SMC5: variants seen among roughly 807,000 people sequenced by gnomAD.
The protein encoded by SMC5 is structural maintenance of chromosomes 5.
A neutral mutation model predicts 148.3 loss-of-function variants in SMC5; 88 were observed. The observed-to-expected ratio is 0.59, with a 90% CI of 0.50 to 0.71. The LOEUF is 0.71. Among genes scored for constraint, SMC5 ranks in the 30% least tolerant of loss-of-function variants. The pLI, the probability that SMC5 is intolerant of heterozygous loss-of-function variation, is 0.00. For missense variants in SMC5, 1,142 were observed against 1,298.9 expected, an observed-to-expected ratio of 0.88 and a Z score of 1.86; for synonymous variants, 421 against 432.8, an observed-to-expected ratio of 0.97 and a Z score of 0.34.
chr9:70,325,578 AT>A (rs1347288201), intron 17 of SMC5, among the ~76,000 whole-genome samples: 4 of 152,172 alleles, frequency 2.6e-5, no homozygotes, highest in Non-Finnish European at 4.4e-5. Flanking sequence ...AAACTAACTG[AT>A]ACTCCTTTGC....
intron 12 of SMC5, 116 bp downstream of exon 12, chr9:70,314,952 A>G: frequency 4.8e-6 from 3 of 622,282 alleles, no homozygotes; most frequent in Non-Finnish European, 5.2e-6. Flanking sequence ...TAAGTCGAAT[A>G]TAAGGAAAAA....
chr9:70,329,649 GTCT>G (rs375354529), intron 17 of SMC5, among the ~76,000 whole-genome samples: 39 of 152,184 alleles, frequency 2.6e-4, no homozygotes, highest in African/African-American at 9.2e-4. Flanking sequence ...TCATCTTCCT[GTCT>G]TCTTCTGAGC....
intron 1 of SMC5, 74 bp downstream of exon 1, chr9:70,259,337 C>T (rs2034025701): frequency 6.9e-7 from 1 of 1,442,952 alleles, no homozygotes; most frequent in Non-Finnish European, 9.3e-7. Context: ...CGGCAGCGCG[C>T]GGGCGTGGGC....
intron 13 of SMC5, among the ~76,000 whole-genome samples, chr9:70,316,948 A>G (rs188900920): frequency 3.7e-4 from 57 of 152,040 alleles, no homozygotes; most frequent in Admixed American, 1.4e-3. Flanking sequence ...TTTATATACT[A>G]TATTTTTTAA....
At chr9:70,303,532 C>T (rs779944718) in intron 10 of SMC5, among the ~76,000 whole-genome samples, 1 of 152,122 alleles carries the variant, frequency 6.6e-6, no homozygotes, top group Non-Finnish European at 1.5e-5. Context: ...TTGTGTGTAA[C>T]TGTTTTCTCA....
intron 3 of SMC5, 21 bp downstream of exon 3, chr9:70,267,996 A>C: frequency 6.3e-7 from 1 of 1,591,984 alleles, no homozygotes; most frequent in African/African-American, 1.4e-5. Flanking sequence ...AAAGTGCTAA[A>C]ACTCCTTTTT....
At chr9:70,280,125 G>A (rs371415767) in intron 5 of SMC5, among the ~76,000 whole-genome samples, 13 of 152,198 alleles carry the variant, frequency 8.5e-5, no homozygotes, top group East Asian at 7.7e-4. Flanking sequence ...AGTTATTTTA[G>A]CTTCAGATAT....
In SMC5 at chr9:70,264,555, A is replaced by C. The variant is rs1416753969; in HGVS notation, c.327+110A>C. 10 of 1,005,672 alleles carry C rather than the reference A, an allele frequency of 9.9e-6. No individual in the cohort carries two copies. The East Asian group carries it at 2.7e-4, about 27-fold the overall frequency. The allele number at this position is 1,005,672 out of a possible 1,614,324, so 62.3% of individuals were successfully genotyped here. A position where few individuals can be genotyped will look rare whatever the true frequency, so the allele number is the denominator to read the frequency against. ...GGTATAGCAAACTTAATAGTGCATG[A>C]ATACAAGGAATAAATTTGGCAGGTA... On this transcript the variant is annotated intron_variant, in intron 2 of 24. Coordinates refer to ENST00000361138, the MANE Select transcript of SMC5 (RefSeq NM_015110.4).
chr9:70,291,107 T>C (rs2035047105), intron 8 of SMC5, among the ~76,000 whole-genome samples: 1 of 147,158 alleles, frequency 6.8e-6, no homozygotes, highest in Non-Finnish European at 1.5e-5. Flanking sequence ...ATTGTTGGTG[T>C]TTGTTTGTTT....
intron 5 of SMC5, among the ~76,000 whole-genome samples, chr9:70,280,141 TCTTTTAC>T (rs1419827515): frequency 6.6e-6 from 1 of 152,230 alleles, no homozygotes; most frequent in Non-Finnish European, 1.5e-5. Flanking sequence ...GATATTCTGT[TCTTTTAC>T]CTTTCTGTAT....
At chr9:70,323,688 G>A (rs1469305821) in intron 16 of SMC5, 82 bp downstream of exon 16, 7 of 1,296,940 alleles carry the variant, frequency 5.4e-6, no homozygotes, top group East Asian at 2.5e-5. Context: ...AGGGAGGGAA[G>A]GTTTTGATTA....
intron 18 of SMC5, 135 bp from the exon 19 acceptor site, chr9:70,346,470 T>TGTG: frequency 1.2e-6 from 1 of 864,376 alleles, no homozygotes. Context: ...AAGATAGTAC[T>TGTG]GTGGTGAAAT....
At chr9:70,346,956 A>G in intron 19 of SMC5, 110 bp from the exon 20 acceptor site, 1 of 800,640 alleles carries the variant, frequency 1.2e-6, no homozygotes, top group South Asian at 1.8e-5. Flanking sequence ...CTTGTGTGCC[A>G]GCATGCTGTT....
rs141399618 is a variant in SMC5, at chr9:70,340,727, T to C, written c.2398-3417T>C. 4.6e-3 allele frequency among the ~76,000 whole-genome samples: 695 copies of C among 152,276 alleles called. 8 individuals carry two copies. The highest frequency in any genetic ancestry group is 0.016 in the African/African-American group (668 of 41,586). ...TGTTACTAAAATAACAGTTTTAATA[T>C]ATACAGTTTTCATAAGAAATTCTGT... On this transcript the variant is annotated intron_variant, in intron 17 of 24. Transcript: ENST00000361138.
Position 70,278,643 on chromosome 9 carries a change from C to A in SMC5, c.678+18C>A, listed in dbSNP as rs756265863. The A allele has an allele frequency of 6.3e-6, 10 of 1,590,314 alleles. No homozygotes were observed. In the Admixed American group the frequency reaches 1.1e-4, roughly 18 times the overall value. The stretch of plus-strand genomic sequence containing the variant: ...AGCTCGAGGTACTTTAAATAGACAA[C>A]TCATTTGTATTGTTTCTTATTGATT... On this transcript the variant is annotated intron_variant, in intron 5 of 24. Transcript: ENST00000361138.
intron 19 of SMC5, 101 bp from the exon 20 acceptor site, chr9:70,346,965 T>C: frequency 1.2e-6 from 1 of 851,470 alleles, no homozygotes; most frequent in Non-Finnish European, 1.9e-6. Context: ...CAGCATGCTG[T>C]TGAACAGATA....
At chr9:70,343,632 A>G (rs552264549) in intron 17 of SMC5, among the ~76,000 whole-genome samples, 39 of 152,230 alleles carry the variant, frequency 2.6e-4, no homozygotes, top group African/African-American at 9.1e-4. Context: ...CCTGGCCAAC[A>G]TGGTGAAACC....
chr9:70,346,797 T>C, intron 19 of SMC5, 148 bp downstream of exon 19: 1 of 845,752 alleles, frequency 1.2e-6, no homozygotes, highest in Non-Finnish European at 1.9e-6. Context: ...TTCTTTTCTC[T>C]AAATTCCTAG....
At position 70,347,982 on chromosome 9, in the gene SMC5, A is replaced by C; in HGVS notation, c.2833A>C (p.Asn945His). 6.2e-7 allele frequency: 1 copy of C among 1,607,998 alleles called. No individual in the cohort carries two copies. The highest frequency in any genetic ancestry group is 8.5e-7 in the Non-Finnish European group (1 of 1,177,960). Reference sequence around the variant, plus strand: ...AGAAAAAATTAATGAAAAATTCAGCAATTTTTTTAGTTCCATGCAGTGTGC... The same window carrying C: ...AGAAAAAATTAATGAAAAATTCAGCCATTTTTTTAGTTCCATGCAGTGTGC... ...LVEKINEKFS[N>H]FFSSMQCAGE... The change falls in exon 22 of 25, where the codon AAT becomes CAT. Residue 945 changes from asparagine (N) to histidine (H), a missense_variant. Around this residue, in one of 5 missense-constraint regions of SMC5, gnomAD observed 743 missense variants for 835.7 expected, o/e 0.89. Coordinates refer to ENST00000361138, the MANE Select transcript of SMC5 (RefSeq NM_015110.4).
Sources: gnomAD v4.1 joint callset for allele counts (sites outside exome capture counted in the v4.1 genomes callset) on GRCh38, gnomAD v4.1.1 for gene constraint, gnomAD v4.1.1 regional missense constraint, MANE v1.5 for transcripts, NCBI Gene and HGNC (gene_info 2026-07-23, HGNC 2026-07-21) for gene names.